THSD7B: variants seen among roughly 807,000 people sequenced by gnomAD.
THSD7B encodes thrombospondin type-1 domain-containing protein 7B.
A neutral mutation model predicts 213.6 loss-of-function variants in THSD7B; 138 were observed. The observed-to-expected ratio is 0.65, with a 90% CI of 0.56 to 0.74. The LOEUF (loss-of-function observed/expected upper bound fraction) is 0.74. Among genes scored for constraint, THSD7B ranks in the 30% least tolerant of loss-of-function variants. The pLI is 0.00. For synonymous variants in THSD7B, 742 were observed against 687.0 expected (o/e 1.08, Z -1.25); for missense variants, 1,931 against 1,991.5 (o/e 0.97, Z 0.58).
At chr2:137,313,374 A>G (rs928115972) in intron 12 of THSD7B, among the ~76,000 whole-genome samples, 1 of 151,780 alleles carries the variant, frequency 6.6e-6, no homozygotes, top group African/African-American at 2.4e-5. Context: ...ATCTTCCTCC[A>G]TCCTTTTATT....
chr2:137,236,750 G>A (rs907695747), intron 9 of THSD7B, among the ~76,000 whole-genome samples: 2 of 152,116 alleles, frequency 1.3e-5, no homozygotes, highest in African/African-American at 4.8e-5. Context: ...ACTAATTATG[G>A]AGGTGTAGCT....
intron 5 of THSD7B, among the ~76,000 whole-genome samples, chr2:137,139,775 G>A (rs1479467643): frequency 6.6e-6 from 1 of 152,072 alleles, no homozygotes; most frequent in African/African-American, 2.4e-5. Context: ...AAATACTCTT[G>A]CTGAGATTCT....
At chr2:137,444,035 G>A (rs1487170886) in intron 14 of THSD7B, among the ~76,000 whole-genome samples, 37 of 151,908 alleles carry the variant, frequency 2.4e-4, no homozygotes, top group Non-Finnish European at 4.4e-5. Flanking sequence ...TTTATAAAAA[G>A]CAGTAAGATA....
In THSD7B at chr2:137,494,858, C is replaced by A. The variant is rs575227207; in HGVS notation, c.3138+43835C>A. Among the ~76,000 whole-genome samples the A allele has an allele frequency of 4.6e-5, 7 of 152,262 alleles. No homozygotes were observed. The East Asian group carries it at 1.2e-3, about 25-fold the overall frequency. On this transcript the variant is annotated intron_variant, in intron 15 of 27. Coordinates refer to ENST00000409968, the MANE Select transcript of THSD7B (RefSeq NM_001316349.2). ...TTCCCACAAACAGTATACTTTCATT[C>A]TCATTCTGCCAACTCAATCCATGTA...
intron 1 of THSD7B, among the ~76,000 whole-genome samples, chr2:136,872,371 C>T (rs914413028): frequency 9.3e-6 from 1 of 107,056 alleles, no homozygotes; most frequent in Admixed American, 1.5e-4. Context: ...GGCGAAAGAC[C>T]ATACTTTTTT....
At chr2:136,766,447 C>T (rs1489250951) in intron 1 of THSD7B, among the ~76,000 whole-genome samples, 3 of 152,092 alleles carry the variant, frequency 2.0e-5, no homozygotes, top group Non-Finnish European at 4.4e-5. Flanking sequence ...CTGCATCGCC[C>T]ATCTGCACCT....
intron 6 of THSD7B, among the ~76,000 whole-genome samples, chr2:137,161,061 A>T (rs963009933): frequency 6.6e-6 from 1 of 152,074 alleles, no homozygotes; most frequent in Non-Finnish European, 1.5e-5. Context: ...TATATTTTAG[A>T]TTTTTGCAAG....
At chr2:137,031,493 C>T (rs1298052648) in intron 2 of THSD7B, among the ~76,000 whole-genome samples, 2 of 152,088 alleles carry the variant, frequency 1.3e-5, no homozygotes, top group Admixed American at 1.3e-4. Context: ...AGGGATGGAA[C>T]CAGACTGTAA....
At chr2:137,335,818 T>A (rs1684626523) in intron 12 of THSD7B, among the ~76,000 whole-genome samples, 1 of 152,184 alleles carries the variant, frequency 6.6e-6, no homozygotes, top group Non-Finnish European at 1.5e-5. Flanking sequence ...AGGAGGAAAG[T>A]TTCTTAGGTT....
At chr2:136,939,053 G>A (rs1684776763) in intron 2 of THSD7B, among the ~76,000 whole-genome samples, 1 of 151,972 alleles carries the variant, frequency 6.6e-6, no homozygotes, top group Non-Finnish European at 1.5e-5. Context: ...TAGCCTACCT[G>A]GCCATGCAAA....
chr2:137,505,407 A>G (rs1041145732), intron 15 of THSD7B, among the ~76,000 whole-genome samples: 7 of 152,236 alleles, frequency 4.6e-5, no homozygotes, highest in Non-Finnish European at 1.0e-4. Context: ...TTGGGTCACA[A>G]TGGTAGGAAC....
At chr2:137,005,957 A>G (rs1430473820) in intron 2 of THSD7B, among the ~76,000 whole-genome samples, 1 of 152,188 alleles carries the variant, frequency 6.6e-6, no homozygotes, top group Non-Finnish European at 1.5e-5. Context: ...TATGTTTATT[A>G]TATCTTTTCA....
intron 2 of THSD7B, among the ~76,000 whole-genome samples, chr2:137,054,718 A>T (rs1687128481): frequency 6.6e-6 from 1 of 152,082 alleles, no homozygotes; most frequent in Admixed American, 6.5e-5. Flanking sequence ...CCTTATGATC[A>T]TCACAGTCCT....
intron 7 of THSD7B, among the ~76,000 whole-genome samples, chr2:137,208,156 A>G (rs936353492): frequency 3.3e-5 from 5 of 152,078 alleles, no homozygotes; most frequent in Non-Finnish European, 7.4e-5. Context: ...GTATGTGTCT[A>G]TAAGTAAGTG....
At chr2:136,948,011 C>T (rs1388508753) in intron 2 of THSD7B, among the ~76,000 whole-genome samples, 3 of 152,200 alleles carry the variant, frequency 2.0e-5, no homozygotes, top group Non-Finnish European at 4.4e-5. Flanking sequence ...TCAGTAATGG[C>T]ACCATCAGCA....
chr2:136,872,979 C>T (rs1262196824), intron 1 of THSD7B, among the ~76,000 whole-genome samples: 9 of 136,738 alleles, frequency 6.6e-5, no homozygotes, highest in East Asian at 4.0e-4. Context: ...GCCGAGATCG[C>T]GCCACTGCAC....
intron 17 of THSD7B, among the ~76,000 whole-genome samples, chr2:137,598,687 T>C (rs893156901): frequency 7.2e-5 from 11 of 152,214 alleles, no homozygotes; most frequent in African/African-American, 2.7e-4. Context: ...ATTGTTAATG[T>C]GTTAGAACAG....
chr2:137,314,508 G>A (rs1245670577), intron 12 of THSD7B, among the ~76,000 whole-genome samples: 4 of 152,158 alleles, frequency 2.6e-5, no homozygotes, highest in African/African-American at 7.2e-5. Flanking sequence ...CTCTCACCTC[G>A]TCAAAGTCAT....
chr2:137,401,825 A>C (rs898667694), intron 12 of THSD7B, among the ~76,000 whole-genome samples: 1 of 152,090 alleles, frequency 6.6e-6, no homozygotes, highest in Non-Finnish European at 1.5e-5. Context: ...CCAATTTATA[A>C]AGAAAAACAA....
Sources: gnomAD v4.1 joint callset for allele counts (sites outside exome capture counted in the v4.1 genomes callset) on GRCh38, gnomAD v4.1.1 for gene constraint, MANE v1.5 for transcripts, NCBI Gene and HGNC (gene_info 2026-07-23, HGNC 2026-07-21) for gene names.